Variants in EIF4E3 observed in about 807,000 individuals in gnomAD.
EIF4E3 encodes eukaryotic translation initiation factor 4E family member 3, also known as eukaryotic translation initiation factor 4E type 3.
Under a neutral mutation model 31.7 loss-of-function variants are expected in EIF4E3, and 26 were observed. The observed-to-expected ratio is 0.82, with a 90% CI of 0.60 to 1.14. The LOEUF is 1.14. Among genes scored for constraint, EIF4E3 ranks in the 50% most tolerant of loss-of-function variants. The pLI, the probability that EIF4E3 is intolerant of heterozygous loss-of-function variation, is 0.00. For synonymous variants in EIF4E3, 128 were observed against 107.7 expected (o/e 1.19, Z -1.17); for missense variants, 304 against 270.9 (o/e 1.12, Z -0.86).
intron 1 of EIF4E3, among the ~76,000 whole-genome samples, chr3:71,742,599 A>G (rs2049831257): frequency 6.6e-6 from 1 of 152,118 alleles, no homozygotes; most frequent in South Asian, 2.1e-4. Context: ...ACAATTGAAA[A>G]GGAGAGAATA....
rs1361657691 is a variant in EIF4E3, at chr3:71,725,193, T to A, written c.175A>T (p.Arg59Ter). 2 of 1,113,102 alleles carry A rather than the reference T, an allele frequency of 1.8e-6. No individual in the cohort carries two copies. The highest frequency in any genetic ancestry group is 6.8e-5 in the East Asian group (1 of 14,788). The allele number at this position is 1,113,102 out of a possible 1,614,324, so 69.0% of individuals were successfully genotyped here. ...LHSSWTFWLD[R>*]SLPGATAAEC... ...GCGGCGGGCCCCGCGCCCCCTCACC[T>A]GTCGAGCCAGAAGGTCCAGGACGAG... The change falls in exon 1 of 7, where the codon AGA becomes TGA. Residue 59 changes from arginine to a stop codon, truncating the protein, a stop_gained and splice_region_variant. Transcript: ENST00000425534. LOFTEE classifies it high-confidence loss of function. This position sits in a 1 kb window ranked among gnomAD's most constrained non-coding sequence, Gnocchi z 6.1.
intron 1 of EIF4E3, among the ~76,000 whole-genome samples, chr3:71,719,330 C>A (rs548615772): frequency 6.6e-6 from 1 of 152,258 alleles, no homozygotes; most frequent in East Asian, 1.9e-4. Context: ...ATTTCTATGG[C>A]ATTTGTTACA....
At chr3:71,686,873 A>G (rs2108012466) in intron 6 of EIF4E3, among the ~76,000 whole-genome samples, 1 of 152,216 alleles carries the variant, frequency 6.6e-6, no homozygotes, top group East Asian at 1.9e-4. Context: ...TGTCAGCCTT[A>G]GGTTACCTTG....
intron 5 of EIF4E3, 81 bp downstream of exon 5, chr3:71,693,794 G>T: frequency 7.9e-7 from 1 of 1,269,024 alleles, no homozygotes; most frequent in Non-Finnish European, 1.0e-6. Flanking sequence ...AGTCAAACAC[G>T]TGATAACAAG....
chr3:71,661,022 C>T, the EIF4E3 span, among the ~76,000 whole-genome samples: 5 of 152,080 alleles, frequency 3.3e-5, no homozygotes, highest in East Asian at 9.7e-4. Flanking sequence ...GGGATGCGAG[C>T]GTTTCATCAA....
chr3:71,717,123 C>A (rs1382005283), intron 1 of EIF4E3, among the ~76,000 whole-genome samples: 1 of 152,204 alleles, frequency 6.6e-6, no homozygotes, highest in Non-Finnish European at 1.5e-5. Flanking sequence ...GAAACGGTTT[C>A]TTCGAACCCT....
intron 1 of EIF4E3, among the ~76,000 whole-genome samples, chr3:71,744,892 A>G (rs2108156815): frequency 6.6e-6 from 1 of 152,346 alleles, no homozygotes; most frequent in East Asian, 1.9e-4. Context: ...CAGGGAGAGA[A>G]GAGAACAGCA....
intron 1 of EIF4E3, among the ~76,000 whole-genome samples, chr3:71,733,771 ACTT>A (rs2049732014): frequency 6.6e-6 from 1 of 152,234 alleles, no homozygotes; most frequent in African/African-American, 2.4e-5. Flanking sequence ...TAAGTCATTT[ACTT>A]CTTAAGAGCT....
chr3:71,741,192 G>A (rs373457188), intron 1 of EIF4E3, among the ~76,000 whole-genome samples: 24 of 125,848 alleles, frequency 1.9e-4, no homozygotes, highest in South Asian at 4.8e-4. Context: ...GCACATGCAC[G>A]CGCACACACA....
At chr3:71,732,710 G>A (rs1310852611) in intron 1 of EIF4E3, among the ~76,000 whole-genome samples, 3 of 152,242 alleles carry the variant, frequency 2.0e-5, no homozygotes, top group Non-Finnish European at 4.4e-5. Context: ...GAAGGGGAGA[G>A]CCGGCAGGCC....
At chr3:71,686,570 G>C (rs1429883404) in intron 6 of EIF4E3, among the ~76,000 whole-genome samples, 1 of 151,924 alleles carries the variant, frequency 6.6e-6, no homozygotes, top group African/African-American at 2.4e-5. Context: ...GTGTGTGTGT[G>C]TGTGTGTGTT....
At chr3:71,709,245 C>T (rs1010122459) in intron 2 of EIF4E3, among the ~76,000 whole-genome samples, 1 of 152,156 alleles carries the variant, frequency 6.6e-6, no homozygotes, top group Non-Finnish European at 1.5e-5. Flanking sequence ...AATTTATGGA[C>T]ATATGGTCAA....
intron 1 of EIF4E3, among the ~76,000 whole-genome samples, chr3:71,721,340 G>A (rs1462897205): frequency 1.3e-5 from 2 of 152,206 alleles, no homozygotes; most frequent in Non-Finnish European, 2.9e-5. Context: ...ACATCCTAGT[G>A]GGAGAAGACA....
At chr3:71,733,057 C>T (rs912567807) in intron 1 of EIF4E3, among the ~76,000 whole-genome samples, 4 of 152,182 alleles carry the variant, frequency 2.6e-5, no homozygotes, top group African/African-American at 9.7e-5. Flanking sequence ...TTTTTGAATA[C>T]GAGTGTCCTC....
chr3:71,708,227 AT>A (rs1427071574), intron 2 of EIF4E3, among the ~76,000 whole-genome samples: 4 of 152,162 alleles, frequency 2.6e-5, no homozygotes, highest in Non-Finnish European at 5.9e-5. Context: ...ACCAGACACA[AT>A]AATATAGTAC....
intron 3 of EIF4E3, among the ~76,000 whole-genome samples, chr3:71,698,875 A>G (rs981437575): frequency 9.2e-5 from 14 of 152,288 alleles, no homozygotes; most frequent in African/African-American, 3.4e-4. Flanking sequence ...TACCCCTACC[A>G]GTGAACTTCC....
At chr3:71,754,313 G>T, upstream of EIF4E3, 1 of 1,160,152 alleles carries the variant, frequency 8.6e-7, no homozygotes. The surrounding 1 kb of genome is among the most constrained non-coding windows in gnomAD (Gnocchi z 5.8). Context: ...CGGCGGGGGC[G>T]CCGCCGGGCG....
At chr3:71,720,430 A>T (rs1055584184) in intron 1 of EIF4E3, among the ~76,000 whole-genome samples, 2 of 152,088 alleles carry the variant, frequency 1.3e-5, no homozygotes, top group African/African-American at 4.8e-5. Context: ...CCTGGCCTCA[A>T]GAGATCCTCC....
chr3:71,747,670 A>T (rs1355614510), intron 1 of EIF4E3, among the ~76,000 whole-genome samples: 1 of 152,122 alleles, frequency 6.6e-6, no homozygotes, highest in Non-Finnish European at 1.5e-5. Flanking sequence ...TCCTTTTGGG[A>T]ACATATCCAA....
Sources: allele counts gnomAD v4.1 joint callset (sites outside exome capture counted in the v4.1 genomes callset), GRCh38; gene constraint gnomAD v4.1.1; non-coding constraint Gnocchi (gnomAD v3.1); transcripts MANE v1.5; gene names NCBI Gene and HGNC (gene_info 2026-07-23, HGNC 2026-07-21).